GABRG3: variants seen among roughly 807,000 people sequenced by gnomAD.
The protein encoded by GABRG3 is gamma-aminobutyric acid type A receptor subunit gamma3, also known as gamma-aminobutyric acid receptor subunit gamma-3.
A neutral mutation model predicts 48.8 loss-of-function variants in GABRG3; 25 were observed. The observed-to-expected ratio is 0.51, with a 90% CI of 0.37 to 0.72. The LOEUF is 0.72. GABRG3 is among the 30% of genes least tolerant of loss of function. The pLI is 0.00. For synonymous variants in GABRG3, 227 were observed against 217.6 expected (o/e 1.04, Z -0.38); for missense variants, 394 against 577.9 (o/e 0.68, Z 3.26).
At chr15:27,099,114 A>C (rs1015848119) in intron 3 of GABRG3, among the ~76,000 whole-genome samples, 1 of 152,348 alleles carries the variant, frequency 6.6e-6, no homozygotes, top group East Asian at 1.9e-4. Flanking sequence ...GAGATGTTGT[A>C]ATTATTGGGC....
intron 3 of GABRG3, among the ~76,000 whole-genome samples, chr15:27,223,969 C>A (rs2140442573): frequency 6.6e-6 from 1 of 152,334 alleles, no homozygotes; most frequent in Admixed American, 6.5e-5. Context: ...TGTCTGCCTT[C>A]CCTTTAGTCC....
At chr15:27,157,375 A>G (rs926978542) in intron 3 of GABRG3, among the ~76,000 whole-genome samples, 1 of 152,272 alleles carries the variant, frequency 6.6e-6, no homozygotes, top group Admixed American at 6.5e-5. Context: ...TACAGGAATC[A>G]TAAGCTGAAG....
At chr15:27,518,218 A>C (rs942462157) in intron 6 of GABRG3, among the ~76,000 whole-genome samples, 1 of 145,002 alleles carries the variant, frequency 6.9e-6, no homozygotes, top group Non-Finnish European at 1.5e-5. Context: ...AAAAAAAAAG[A>C]ATTAGCCAGA....
At chr15:27,268,862 C>T (rs1890997948) in intron 3 of GABRG3, among the ~76,000 whole-genome samples, 1 of 152,108 alleles carries the variant, frequency 6.6e-6, no homozygotes, top group African/African-American at 2.4e-5. Flanking sequence ...CTGGGTGTTC[C>T]TTTCTCACAC....
At chr15:27,187,778 C>T (rs946508356) in intron 3 of GABRG3, among the ~76,000 whole-genome samples, 2 of 151,858 alleles carry the variant, frequency 1.3e-5, no homozygotes, top group Non-Finnish European at 2.9e-5. Context: ...GCACAATGTG[C>T]AGGTTAGTTA....
intron 3 of GABRG3, among the ~76,000 whole-genome samples, chr15:27,116,234 T>A (rs1897639343): frequency 6.6e-6 from 1 of 152,178 alleles, no homozygotes; most frequent in African/African-American, 2.4e-5. Context: ...CTGGGGAACA[T>A]GCCCAAAGAC....
At chr15:27,415,838 T>C (rs1887925198) in intron 5 of GABRG3, among the ~76,000 whole-genome samples, 1 of 151,208 alleles carries the variant, frequency 6.6e-6, no homozygotes, top group Non-Finnish European at 1.5e-5. Flanking sequence ...CCTTTTGTCC[T>C]AAGCAAATAG....
rs368319222 is a variant in GABRG3 at position 26,976,864 on chromosome 15, G to A, written c.54-138G>A. On this transcript the variant is annotated intron_variant, in intron 1 of 9. Coordinates refer to ENST00000615808, the MANE Select transcript of GABRG3 (RefSeq NM_033223.5). This position sits in a 1 kb window ranked among gnomAD's most constrained non-coding sequence, Gnocchi z 7.8. The stretch of plus-strand genomic sequence containing the variant: ...TTCTTTCTTTTTAGAAAATATTTTC[G>A]GGTTTTCACGTGTGTGGTTGGGCTG... 7.5e-5 allele frequency: 53 copies of A among 709,702 alleles called. No homozygotes were observed. Among genetic ancestry groups the A allele is most frequent in the Middle Eastern group, 5.1e-4 (2 of 3,944 alleles). The allele number at this position is 709,702 out of a possible 1,614,324, so 44.0% of individuals were successfully genotyped here.
intron 3 of GABRG3, among the ~76,000 whole-genome samples, chr15:27,118,468 C>T (rs1015237014): frequency 3.3e-5 from 5 of 152,182 alleles, no homozygotes; most frequent in African/African-American, 9.7e-5. Context: ...ATGACTGAGA[C>T]GTGCCATGGC....
intron 3 of GABRG3, among the ~76,000 whole-genome samples, chr15:27,144,349 G>A (rs1449716388): frequency 2.6e-5 from 4 of 152,118 alleles, no homozygotes; most frequent in African/African-American, 9.7e-5. Flanking sequence ...GGCAGCATGG[G>A]TTTGTAGTTC....
chr15:27,278,314 T>C (rs1350854399), intron 3 of GABRG3, among the ~76,000 whole-genome samples: 1 of 152,122 alleles, frequency 6.6e-6, no homozygotes, highest in Admixed American at 6.5e-5. Flanking sequence ...CCTCCCCAAA[T>C]GCTGAAATTA....
chr15:27,097,592 A>G (rs927337467), intron 3 of GABRG3, among the ~76,000 whole-genome samples: 18 of 151,642 alleles, frequency 1.2e-4, no homozygotes, highest in African/African-American at 3.9e-4. Context: ...TTTAATTATA[A>G]TATTCTCTAA....
intron 3 of GABRG3, among the ~76,000 whole-genome samples, chr15:27,136,597 C>T (rs1898012019): frequency 1.3e-5 from 2 of 152,016 alleles, no homozygotes; most frequent in Non-Finnish European, 2.9e-5. Context: ...GGATGATCTC[C>T]CGTAATGTGA....
intron 3 of GABRG3, among the ~76,000 whole-genome samples, chr15:27,098,321 C>T (rs912825817): frequency 2.6e-5 from 4 of 152,124 alleles, no homozygotes; most frequent in African/African-American, 9.7e-5. Flanking sequence ...ATAGTTCCAG[C>T]TACTCGGGAG....
rs1385807869 is a variant in GABRG3 at position 26,971,696 on chromosome 15, G to C, written c.53+108G>C. The C allele has an allele frequency of 6.3e-6, 8 of 1,266,458 alleles. No homozygotes were observed. In the South Asian group the frequency reaches 8.7e-5, roughly 14 times the overall value. 78.5% of individuals were successfully genotyped at this position (1,266,458 alleles called of 1,614,324 possible). A position where few individuals can be genotyped will look rare whatever the true frequency, so the allele number is the denominator to read the frequency against. On this transcript the variant is annotated intron_variant, in intron 1 of 9. Transcript: ENST00000615808. ...GCGCGCCAGCCGTCGGCTGGGCTGCGGCACGGCGGGCCGGGAGGGGACTGG... is the reference window on the plus strand; with the variant it reads ...GCGCGCCAGCCGTCGGCTGGGCTGCCGCACGGCGGGCCGGGAGGGGACTGG...
chr15:27,521,862 G>A (rs979321653), intron 7 of GABRG3, among the ~76,000 whole-genome samples: 1 of 151,946 alleles, frequency 6.6e-6, no homozygotes, highest in Non-Finnish European at 1.5e-5. Flanking sequence ...AGTGACCTGT[G>A]ATACAATATG....
At chr15:27,497,013 A>G (rs1303454154) in intron 6 of GABRG3, among the ~76,000 whole-genome samples, 3 of 152,202 alleles carry the variant, frequency 2.0e-5, no homozygotes, top group Non-Finnish European at 4.4e-5. Flanking sequence ...CAGCAGCACC[A>G]AGCCCTGGCC....
At chr15:27,514,246 C>T (rs1056298161) in intron 6 of GABRG3, among the ~76,000 whole-genome samples, 5 of 152,178 alleles carry the variant, frequency 3.3e-5, no homozygotes, top group African/African-American at 1.2e-4. Flanking sequence ...TTGCCACAAA[C>T]TTAGTAGTTT....
intron 2 of GABRG3, among the ~76,000 whole-genome samples, chr15:27,022,463 A>G (rs1312226919): frequency 6.6e-6 from 1 of 152,226 alleles, no homozygotes; most frequent in African/African-American, 2.4e-5. Flanking sequence ...ACTTATTACC[A>G]TATGAAGATC....
Sources: allele counts gnomAD v4.1 joint callset (sites outside exome capture counted in the v4.1 genomes callset), GRCh38; gene constraint gnomAD v4.1.1; non-coding constraint Gnocchi (gnomAD v3.1); transcripts MANE v1.5; gene names NCBI Gene and HGNC (gene_info 2026-07-23, HGNC 2026-07-21).